The following STK32B variants were observed in gnomAD, a reference collection of about 807,000 sequenced individuals.
The protein encoded by STK32B is serine/threonine-protein kinase 32B.
In STK32B, 43 loss-of-function variants were observed where a neutral mutation model predicts 52.6. The ratio of observed to expected loss-of-function variants is 0.82; its 90% confidence interval spans 0.64 to 1.05. The LOEUF (loss-of-function observed/expected upper bound fraction) is 1.05. STK32B is among the 50% of genes least tolerant of loss of function. STK32B has a pLI of 0.00. For missense variants in STK32B, 621 were observed against 534.6 expected, an observed-to-expected ratio of 1.16 and a Z score of -1.59; for synonymous variants, 238 against 204.3, an observed-to-expected ratio of 1.17 and a Z score of -1.41.
intron 3 of STK32B, among the ~76,000 whole-genome samples, chr4:5,181,349 CACACACACACACACACACAG>C (rs1324577803): frequency 6.9e-6 from 1 of 143,924 alleles, no homozygotes; most frequent in Non-Finnish European, 1.6e-5. Flanking sequence ...CACACACACA[CACACACACACACACACACAG>C]AGATCTCATT....
intron 1 of STK32B, among the ~76,000 whole-genome samples, chr4:5,068,018 C>T (rs982293446): frequency 1.3e-5 from 2 of 152,122 alleles, no homozygotes; most frequent in African/African-American, 4.8e-5. Flanking sequence ...GATTATAATT[C>T]AGCATGAGAT....
chr4:5,034,690 C>T, the STK32B span, among the ~76,000 whole-genome samples: 1 of 152,256 alleles, frequency 6.6e-6, no homozygotes, highest in South Asian at 2.1e-4. Context: ...CCTGCTTGAG[C>T]GATATATTCA....
intron 7 of STK32B, 32 bp from the exon 8 acceptor site, chr4:5,456,775 C>T (rs767251553): frequency 2.0e-6 from 3 of 1,531,560 alleles, no homozygotes; most frequent in Non-Finnish European, 2.7e-6. Context: ...ATGGCTCTCT[C>T]TCTGATTCTG....
At chr4:5,029,172 T>TCCC in the STK32B span, among the ~76,000 whole-genome samples, 2 of 152,134 alleles carry the variant, frequency 1.3e-5, no homozygotes, top group South Asian at 4.1e-4. Flanking sequence ...AACCATATCA[T>TCCC]CCCCAATGAC....
intron 5 of STK32B, among the ~76,000 whole-genome samples, chr4:5,407,719 T>G (rs968390799): frequency 2.0e-5 from 3 of 151,986 alleles, no homozygotes; most frequent in Non-Finnish European, 4.4e-5. Context: ...CACTCACTAG[T>G]ACAAAAACAG....
chr4:5,370,996 G>GTGTGTGTGTGTA (rs570241863), intron 4 of STK32B, among the ~76,000 whole-genome samples: 7,326 of 141,008 alleles, frequency 0.052, 538 homozygotes, highest in African/African-American at 0.17. Context: ...GTGTGTGTGT[G>GTGTGTGTGTGTA]TATATATATA....
intron 11 of STK32B, among the ~76,000 whole-genome samples, chr4:5,478,414 T>C (rs1254488595): frequency 6.6e-6 from 1 of 152,126 alleles, no homozygotes; most frequent in Non-Finnish European, 1.5e-5. Flanking sequence ...AACCAAAGAC[T>C]CCCTCAAATG....
At chr4:5,052,011 C>A in intron 1 of STK32B, 96 bp downstream of exon 1, 1 of 1,521,016 alleles carries the variant, frequency 6.6e-7, no homozygotes, top group Non-Finnish European at 8.9e-7. Flanking sequence ...TGCTGCCCGG[C>A]GCGGGGACCC....
intron 4 of STK32B, among the ~76,000 whole-genome samples, chr4:5,349,300 G>A (rs1376221882): frequency 6.6e-6 from 1 of 152,048 alleles, no homozygotes; most frequent in Non-Finnish European, 1.5e-5. Flanking sequence ...GTATCCCAGT[G>A]CCCAGCAAAA....
At chr4:5,345,600 C>T (rs1348693476) in intron 4 of STK32B, 1 of 152,210 alleles carries the variant, frequency 6.6e-6, no homozygotes, top group East Asian at 1.9e-4. Context: ...TCACCTAGTC[C>T]TATCAGTAGT....
chr4:5,258,399 C>T (rs1214280551), intron 3 of STK32B, among the ~76,000 whole-genome samples: 2 of 152,132 alleles, frequency 1.3e-5, no homozygotes, highest in Non-Finnish European at 2.9e-5. Flanking sequence ...AACATACCCC[C>T]AGTTCTCAAT....
At chr4:5,305,584 C>T (rs985306865) in intron 3 of STK32B, among the ~76,000 whole-genome samples, 12 of 151,994 alleles carry the variant, frequency 7.9e-5, no homozygotes, top group Non-Finnish European at 1.3e-4. Flanking sequence ...TTATTTGGAT[C>T]TCTTTTCTTT....
chr4:5,250,758 T>G (rs1362295443), intron 3 of STK32B, among the ~76,000 whole-genome samples: 1 of 152,252 alleles, frequency 6.6e-6, no homozygotes, highest in Non-Finnish European at 1.5e-5. Context: ...ATAGCCATTC[T>G]GACTGGTGTG....
chr4:5,308,472 A>G (rs980242397), intron 3 of STK32B, among the ~76,000 whole-genome samples: 7 of 121,316 alleles, frequency 5.8e-5, no homozygotes, highest in Non-Finnish European at 1.2e-4. Context: ...TTAGTAAAAT[A>G]TTTATTTTTG....
chr4:5,428,510 G>C (rs1383591667), intron 6 of STK32B, among the ~76,000 whole-genome samples: 1 of 152,170 alleles, frequency 6.6e-6, no homozygotes, highest in Admixed American at 6.5e-5. Context: ...CATGATCAGA[G>C]AAAATATTTT....
chr4:5,175,129 C>T (rs147356889), intron 3 of STK32B, among the ~76,000 whole-genome samples: 4,366 of 152,200 alleles, frequency 0.029, 89 homozygotes, highest in Admixed American at 0.046. Context: ...ACGTAGTTCT[C>T]GTGCCGTGGT....
chr4:5,351,084 C>A (rs1322809968), intron 4 of STK32B, among the ~76,000 whole-genome samples: 1 of 151,912 alleles, frequency 6.6e-6, no homozygotes, highest in Non-Finnish European at 1.5e-5. Context: ...ACAACAACAA[C>A]AACAACAACC....
At chr4:5,055,418 A>C (rs558477379) in intron 1 of STK32B, among the ~76,000 whole-genome samples, 1 of 151,936 alleles carries the variant, frequency 6.6e-6, no homozygotes, top group African/African-American at 2.4e-5. Context: ...GGATTATTAC[A>C]GTCACCTCCC....
chr4:5,411,038 C>CT lies in STK32B; in HGVS notation c.473-5792dup, dbSNP rs761947959. Among the ~76,000 whole-genome samples the CT allele has an allele frequency of 5.3e-3, 750 of 141,372 alleles. 3 individuals carry two copies. The highest frequency in any genetic ancestry group is 0.015 in the Middle Eastern group (4 of 274). The allele number at this position is 141,372 out of a possible 152,430, so 92.7% of individuals were successfully genotyped here. Reference sequence around the variant, plus strand: ...CAGTCACCTCCTAAAGGCCCCATCTCTTTTTTTTTTTTTTTGAGATGGTGT... The same window carrying CT: ...CAGTCACCTCCTAAAGGCCCCATCTCTTTTTTTTTTTTTTTTGAGATGGTGT... On this transcript the variant is annotated intron_variant, in intron 5 of 11. Transcript: ENST00000282908.
Sources: allele counts gnomAD v4.1 joint callset (sites outside exome capture counted in the v4.1 genomes callset), GRCh38; gene constraint gnomAD v4.1.1; transcripts MANE v1.5; gene names NCBI Gene and HGNC (gene_info 2026-07-23, HGNC 2026-07-21).